NTM: variants seen among roughly 807,000 people sequenced by gnomAD.
NTM encodes neurotrimin.
In NTM, 13 loss-of-function variants were observed where a neutral mutation model predicts 42.1. The observed-to-expected ratio is 0.31, with a 90% CI of 0.20 to 0.49. The LOEUF (loss-of-function observed/expected upper bound fraction) is 0.49. NTM is among the 20% of genes least tolerant of loss of function. NTM has a pLI of 0.99. For missense variants in NTM, 373 were observed against 452.8 expected, an observed-to-expected ratio of 0.82 and a Z score of 1.60; for synonymous variants, 187 against 179.2, an observed-to-expected ratio of 1.04 and a Z score of -0.35.
At chr11:131,948,384 A>AAAAACAAAAAAAAG (rs71067348) in intron 2 of NTM, among the ~76,000 whole-genome samples, 74,969 of 147,274 alleles carry the variant, frequency 0.51, 19,315 homozygotes, top group East Asian at 0.73. Context: ...AAAAAAACAA[A>AAAAACAAAAAAAAG]AAAACAAAAA....
At chr11:131,471,328 G>T (rs553373831) in intron 1 of NTM, among the ~76,000 whole-genome samples, 1 of 152,102 alleles carries the variant, frequency 6.6e-6, no homozygotes, top group Admixed American at 6.5e-5. Context: ...CAGTTTTTAC[G>T]GAGTGCTCTC....
At chr11:131,979,253 C>T (rs1040485229) in intron 2 of NTM, among the ~76,000 whole-genome samples, 43 of 152,254 alleles carry the variant, frequency 2.8e-4, no homozygotes, top group African/African-American at 9.9e-4. Context: ...GTGCCCTGGT[C>T]GGCTTGCTTG....
chr11:131,875,153 CT>C (rs2048356250), intron 1 of NTM, among the ~76,000 whole-genome samples: 1 of 152,344 alleles, frequency 6.6e-6, no homozygotes, highest in African/African-American at 2.4e-5. Flanking sequence ...GGGTTTAATA[CT>C]TTCTCCTTAA....
chr11:132,282,790 T>TA (rs2094030894), intron 4 of NTM, among the ~76,000 whole-genome samples: 2 of 152,114 alleles, frequency 1.3e-5, no homozygotes, highest in Non-Finnish European at 2.9e-5. Flanking sequence ...AAAATCTTCT[T>TA]ACAATCTATG....
chr11:131,616,527 G>A (rs2061951868), intron 1 of NTM, among the ~76,000 whole-genome samples: 1 of 152,158 alleles, frequency 6.6e-6, no homozygotes, highest in African/African-American at 2.4e-5. Context: ...TCAGGGAAAC[G>A]TCTGCAAGGA....
chr11:132,308,865 A>G (rs1403025672), intron 5 of NTM, among the ~76,000 whole-genome samples: 1 of 152,216 alleles, frequency 6.6e-6, no homozygotes, highest in Non-Finnish European at 1.5e-5. Flanking sequence ...ACATAAAGAA[A>G]CAGAAGCAAA....
chr11:131,886,536 G>A (rs2050423834), intron 1 of NTM, among the ~76,000 whole-genome samples: 1 of 152,238 alleles, frequency 6.6e-6, no homozygotes, highest in Non-Finnish European at 1.5e-5. Flanking sequence ...CCTTCTAACT[G>A]GGTCTGAGGC....
chr11:132,077,261 A>T (rs2058484203), intron 2 of NTM, among the ~76,000 whole-genome samples: 1 of 152,242 alleles, frequency 6.6e-6, no homozygotes, highest in Admixed American at 6.5e-5. Context: ...GATAACAGTG[A>T]TGAGTGACAA....
intron 2 of NTM, among the ~76,000 whole-genome samples, chr11:132,057,519 C>T (rs2079892240): frequency 6.6e-6 from 1 of 152,172 alleles, no homozygotes; most frequent in African/African-American, 2.4e-5. Context: ...CTACTCCTCC[C>T]AACATGAGTG....
chr11:131,962,844 A>G (rs1565834434), intron 2 of NTM, among the ~76,000 whole-genome samples: 1 of 152,218 alleles, frequency 6.6e-6, no homozygotes, highest in South Asian at 2.1e-4. Context: ...AGTGTGAGCA[A>G]TGACCACACT....
chr11:131,973,594 A>T (rs2063872860), intron 2 of NTM, among the ~76,000 whole-genome samples: 1 of 152,208 alleles, frequency 6.6e-6, no homozygotes, highest in African/African-American at 2.4e-5. Flanking sequence ...CAGTGGGCAG[A>T]TCACCTGAGG....
chr11:131,443,172 C>T (rs190304697), intron 1 of NTM, among the ~76,000 whole-genome samples: 203 of 152,132 alleles, frequency 1.3e-3, no homozygotes, highest in Admixed American at 3.1e-3. Flanking sequence ...AGATTTGCTG[C>T]AGTGTTTAAA....
intron 1 of NTM, among the ~76,000 whole-genome samples, chr11:131,479,764 T>A (rs1591788782): frequency 6.6e-6 from 1 of 151,980 alleles, no homozygotes; most frequent in Non-Finnish European, 1.5e-5. Context: ...CATTGGGAGG[T>A]AAAGGTGCAG....
rs541506282 is a variant in NTM, at chr11:131,444,837, A to G, written c.82+73949A>G. ...AAGACTGGAGAGAAGATGTAAGAGA[A>G]GGTTATATGTGGGTACAAATGTGTT... On this transcript the variant is annotated intron_variant, in intron 1 of 8. Coordinates refer to ENST00000683400, the MANE Select transcript of NTM (RefSeq NM_001352005.2). 2.6e-5 allele frequency among the ~76,000 whole-genome samples: 4 copies of G among 152,310 alleles called. No homozygotes were observed. The South Asian group carries it at 8.3e-4, about 32-fold the overall frequency.
intron 4 of NTM, among the ~76,000 whole-genome samples, chr11:132,213,516 T>A (rs931789538): frequency 6.6e-6 from 1 of 152,046 alleles, no homozygotes; most frequent in African/African-American, 2.4e-5. Context: ...CCGGTCCTTC[T>A]GTGAGGCATA....
intron 3 of NTM, among the ~76,000 whole-genome samples, chr11:132,176,667 G>A (rs2076855234): frequency 6.6e-6 from 1 of 151,170 alleles, no homozygotes; most frequent in African/African-American, 2.4e-5. Flanking sequence ...TAGTATTCTG[G>A]GGGTGAGGAA....
chr11:131,840,120 A>G (rs1000361033), intron 1 of NTM, among the ~76,000 whole-genome samples: 2 of 152,174 alleles, frequency 1.3e-5, no homozygotes, highest in African/African-American at 2.4e-5. Flanking sequence ...AGGCGATTGC[A>G]TATACACTCC....
chr11:132,278,853 T>C (rs985180438), intron 4 of NTM, among the ~76,000 whole-genome samples: 2 of 151,318 alleles, frequency 1.3e-5, no homozygotes, highest in Non-Finnish European at 2.9e-5. Context: ...CACTCTACGC[T>C]CCTCTCCTTG....
At chr11:131,434,325 A>T (rs988119723) in intron 1 of NTM, among the ~76,000 whole-genome samples, 8 of 152,210 alleles carry the variant, frequency 5.3e-5, no homozygotes, top group African/African-American at 9.6e-5. Context: ...GCTGGGTCAA[A>T]TGGTATTTCT....
Sources: gnomAD v4.1 joint callset for allele counts (sites outside exome capture counted in the v4.1 genomes callset) on GRCh38, gnomAD v4.1.1 for gene constraint, MANE v1.5 for transcripts, NCBI Gene and HGNC (gene_info 2026-07-23, HGNC 2026-07-21) for gene names.